The following TTC19 variants were observed in gnomAD, a reference collection of about 807,000 sequenced individuals.
The protein encoded by TTC19 is tetratricopeptide repeat domain 19.
A neutral mutation model predicts 49.5 loss-of-function variants in TTC19; 38 were observed. The observed-to-expected ratio is 0.77, with a 90% CI of 0.59 to 1.01. The LOEUF (loss-of-function observed/expected upper bound fraction) is 1.01, where lower values mean the gene tolerates loss of function less well. Ranked by LOEUF, TTC19 falls within the 50% of genes least tolerant of loss-of-function variation. The pLI, the probability that TTC19 is intolerant of heterozygous loss-of-function variation, is 0.00. For synonymous variants in TTC19, 204 were observed against 185.2 expected (o/e 1.10, Z -0.83); for missense variants, 475 against 477.7 (o/e 0.99, Z 0.05).
Position 16,028,417 on chromosome 17 carries a change from T to G in TTC19, c.*895T>G, listed in dbSNP as rs1211402158. On this transcript the variant is annotated 3_prime_UTR_variant, in exon 10 of 10. Coordinates refer to ENST00000261647, the MANE Select transcript of TTC19 (RefSeq NM_017775.4). ...ACTGACCTGGATCTTAGTCCTAGCC[T>G]TTTTGCTTTTGCAATTTCAGTATCT... The G allele has an allele frequency of 2.2e-6, 1 of 454,114 alleles. No individual in the cohort carries two copies. The highest frequency in any genetic ancestry group is 4.4e-6 in the Non-Finnish European group (1 of 226,784). 28.1% of individuals were successfully genotyped at this position (454,114 alleles called of 1,614,324 possible).
rs1567589309 is a variant in TTC19, at chr17:16,028,053, GT to G, written c.*534del. On this transcript the variant is annotated 3_prime_UTR_variant, in exon 10 of 10. Transcript: ENST00000261647. ...ATACATAAAAGAGAAAAATATCTTA[GT>G]TTGCTACCAGCATCCAGCATGAAGT... The G allele has an allele frequency of 4.4e-6, 2 of 453,976 alleles. No individual in the cohort carries two copies. Among genetic ancestry groups the G allele is most frequent in the African/African-American group, 4.0e-5 (2 of 49,992 alleles). 28.1% of individuals were successfully genotyped at this position (453,976 alleles called of 1,614,324 possible).
At chr17:16,009,600 G>A (rs933982073) in intron 7 of TTC19, among the ~76,000 whole-genome samples, 4 of 152,046 alleles carry the variant, frequency 2.6e-5, no homozygotes, top group African/African-American at 9.7e-5. Context: ...TATAGAAAAT[G>A]TGTTACATGA....
chr17:16,026,834 G>A (rs1447847594), intron 9 of TTC19, 132 bp downstream of exon 9: 2 of 941,938 alleles, frequency 2.1e-6, no homozygotes, highest in Non-Finnish European at 3.4e-6. Flanking sequence ...CTGGTTGAAT[G>A]GCAGAAAAAG....
chr17:16,010,260 G>A (rs1380669261), intron 7 of TTC19, among the ~76,000 whole-genome samples: 9 of 138,608 alleles, frequency 6.5e-5, no homozygotes, highest in East Asian at 2.2e-4. Context: ...TGCAACCTCC[G>A]CCTCCCGGGT....
rs1208314781 is a variant in TTC19, at chr17:16,012,282, C to G, written c.676+5714C>G. Among the ~76,000 whole-genome samples, 3 of 152,112 alleles carry G rather than the reference C, an allele frequency of 2.0e-5. No individual in the cohort carries two copies. In the South Asian group the frequency reaches 6.2e-4, roughly 32 times the overall value. ...GGCGGGTGGATCACTTGAGGTCAGTCGTTAAAGACCAGCCCTGGAAACGTG... is the reference window on the plus strand; with the variant it reads ...GGCGGGTGGATCACTTGAGGTCAGTGGTTAAAGACCAGCCCTGGAAACGTG... On this transcript the variant is annotated intron_variant, in intron 7 of 9. Coordinates refer to ENST00000261647, the MANE Select transcript of TTC19 (RefSeq NM_017775.4).
intron 2 of TTC19, chr17:16,040,012 A>G (rs751070872): frequency 9.2e-5 from 36 of 391,172 alleles, no homozygotes; most frequent in Non-Finnish European, 4.9e-5. Context: ...CTGATCTCGA[A>G]TTCCGAACCT....
chr17:16,022,959 TTAAAG>T (rs1971430825), intron 7 of TTC19, among the ~76,000 whole-genome samples: 1 of 152,190 alleles, frequency 6.6e-6, no homozygotes, highest in Admixed American at 6.5e-5. Flanking sequence ...TCAGTTGTTA[TTAAAG>T]TACTTGATTT....
At position 16,004,279 on chromosome 17, in the gene TTC19, G is replaced by A; in HGVS notation, c.581+17G>A. On this transcript the variant is annotated intron_variant, in intron 6 of 9. Coordinates refer to ENST00000261647, the MANE Select transcript of TTC19 (RefSeq NM_017775.4). ...GCAGAACAGGTAAGTACAGCAGCCA[G>A]GGAGTAGGACTGTGGGCAGGAAACT... 10 of 1,612,690 alleles carry A rather than the reference G, an allele frequency of 6.2e-6. No individual in the cohort carries two copies. Among genetic ancestry groups the A allele is most frequent in the Non-Finnish European group, 8.5e-6 (10 of 1,178,620 alleles).
At chr17:16,004,172 G>A in intron 5 of TTC19, 29 bp from the exon 6 acceptor site, 1 of 1,607,664 alleles carries the variant, frequency 6.2e-7, no homozygotes, top group South Asian at 1.1e-5. Flanking sequence ...TACTTGTTAT[G>A]AGTTCCCTTC....
At chr17:16,027,274 C>T (rs1971592896) in intron 9 of TTC19, 100 bp from the exon 10 acceptor site, 2 of 1,393,348 alleles carry the variant, frequency 1.4e-6, no homozygotes, top group African/African-American at 1.4e-5. Context: ...CATAAGCACA[C>T]AGTAAATTAG....
chr17:16,035,597 A>T (rs1366951915), intron 2 of TTC19, among the ~76,000 whole-genome samples: 1 of 146,566 alleles, frequency 6.8e-6, no homozygotes, highest in Non-Finnish European at 1.5e-5. Flanking sequence ...CTGCAGTGGC[A>T]CAATCACGGC....
chr17:16,017,283 TAGTG>T (rs1483520514), intron 7 of TTC19, among the ~76,000 whole-genome samples: 3 of 151,578 alleles, frequency 2.0e-5, no homozygotes, highest in African/African-American at 7.3e-5. Context: ...TTTTAAAAAT[TAGTG>T]AGGCGAAAAA....
rs143268219 is a variant in TTC19 at position 16,008,600 on chromosome 17, C to T, written c.676+2032C>T. ...AGAATCCCTGCATGGACCTGTAAGG[C>T]GCTTATGACCTGGGCCCACCCACCT... On this transcript the variant is annotated intron_variant, in intron 7 of 9. Transcript: ENST00000261647. Among the ~76,000 whole-genome samples, 834 of 152,262 alleles carry T rather than the reference C, an allele frequency of 5.5e-3. 6 individuals are homozygous for T. Among genetic ancestry groups the T allele is most frequent in the African/African-American group, 0.019 (789 of 41,546 alleles).
downstream of TTC19, chr17:16,031,447 T>C (rs1971971554): frequency 5.1e-6 from 1 of 195,576 alleles, no homozygotes; most frequent in Non-Finnish European, 1.1e-5. Flanking sequence ...AAAGCTTTGT[T>C]GGGCTGCATC....
At chr17:16,037,665 C>T (rs1349303226) in intron 2 of TTC19, among the ~76,000 whole-genome samples, 1 of 152,162 alleles carries the variant, frequency 6.6e-6, no homozygotes, top group African/African-American at 2.4e-5. Flanking sequence ...GGAATTAATA[C>T]ACCACACAAA....
At chr17:16,040,644 A>T (rs2057381343) in intron 2 of TTC19, 1 of 785,724 alleles carries the variant, frequency 1.3e-6, no homozygotes, top group Non-Finnish European at 2.1e-6. Context: ...GATAAAATGG[A>T]AGTATTTTTT....
In TTC19 at chr17:16,025,165, C is replaced by T. The variant is rs373260669; in HGVS notation, c.825C>T (p.His275=). 1.2e-6 allele frequency: 2 copies of T among 1,613,662 alleles called. No individual in the cohort carries two copies. The highest frequency in any genetic ancestry group is 1.7e-6 in the Non-Finnish European group (2 of 1,179,776). The change falls in exon 8 of 10, where the codon CAC becomes CAT. Residue 275 remains histidine (H), a synonymous_variant. Coordinates refer to ENST00000261647, the MANE Select transcript of TTC19 (RefSeq NM_017775.4). ...CTGAAGAAATACAAGGAGAAAGACA[C>T]CCACAGGTAAGGGAGGAAAACACAG... ...QISEEIQGER[H]PQTIVLMSDL... is the part of the protein sequence containing the mutation.
chr17:16,030,170 A>G, downstream of TTC19: 1 of 202,920 alleles, frequency 4.9e-6, no homozygotes, highest in Non-Finnish European at 1.0e-5. Context: ...AATGTTTGTT[A>G]AGATTATAAG....
intron 3 of TTC19, among the ~76,000 whole-genome samples, chr17:16,002,396 C>T (rs113196875): frequency 0.032 from 4,903 of 152,184 alleles, 266 homozygotes; most frequent in African/African-American, 0.11. Context: ...AGGCTGGTCT[C>T]GAACTCCTGA....
Sources: gnomAD v4.1 joint callset for allele counts (sites outside exome capture counted in the v4.1 genomes callset) on GRCh38, gnomAD v4.1.1 for gene constraint, MANE v1.5 for transcripts, NCBI Gene and HGNC (gene_info 2026-07-23, HGNC 2026-07-21) for gene names.